Variants in ACYP2 observed in about 807,000 individuals in gnomAD.
ACYP2 encodes acylphosphatase 2.
ACYP2 carries 12 observed loss-of-function variants against 11.2 expected under a neutral mutation model. The ratio of observed to expected loss-of-function variants is 1.08; its 90% CI spans 0.69 to 1.74. The LOEUF (loss-of-function observed/expected upper bound fraction) is 1.74. Among genes scored for constraint, ACYP2 ranks in the 40% most tolerant of loss-of-function variants. The pLI, the probability that ACYP2 is intolerant of heterozygous loss-of-function variation, is 0.00. For synonymous variants in ACYP2, 43 were observed against 32.2 expected (o/e 1.33, Z -1.13); for missense variants, 134 against 101.9 (o/e 1.31, Z -1.35).
At chr2:54,197,119 G>C (rs1249279292) in intron 6 of ACYP2, among the ~76,000 whole-genome samples, 1 of 152,196 alleles carries the variant, frequency 6.6e-6, no homozygotes, top group East Asian at 1.9e-4. Context: ...CTCCCTGAGA[G>C]CAAGCCTGAG....
At chr2:54,248,164 C>G (rs1687047948) in intron 6 of ACYP2, among the ~76,000 whole-genome samples, 1 of 152,330 alleles carries the variant, frequency 6.6e-6, no homozygotes, top group East Asian at 1.9e-4. Context: ...AGAATTAGAA[C>G]TAATGTACTT....
chr2:54,285,790 C>T (rs1217089910), intron 6 of ACYP2, among the ~76,000 whole-genome samples: 3 of 152,182 alleles, frequency 2.0e-5, no homozygotes, highest in Non-Finnish European at 2.9e-5. Context: ...TAATCTTCCT[C>T]CTCTTTGCCT....
At chr2:54,038,672 A>AATATAT (rs1224517531) in intron 2 of ACYP2, among the ~76,000 whole-genome samples, 2 of 94,854 alleles carry the variant, frequency 2.1e-5, no homozygotes, top group African/African-American at 8.8e-5. Flanking sequence ...TTTATTGAAT[A>AATATAT]CTATATATAT....
chr2:54,224,659 T>C (rs1685933735), intron 6 of ACYP2, among the ~76,000 whole-genome samples: 1 of 152,218 alleles, frequency 6.6e-6, no homozygotes, highest in Admixed American at 6.5e-5. Context: ...AACTTGTAGC[T>C]TGGCTTTCAG....
intron 2 of ACYP2, among the ~76,000 whole-genome samples, chr2:54,049,260 CAAA>C (rs1375089357): frequency 6.8e-6 from 1 of 146,994 alleles, no homozygotes; most frequent in Admixed American, 6.6e-5. Flanking sequence ...GACCCCATCT[CAAA>C]AATAATAATA....
intron 6 of ACYP2, among the ~76,000 whole-genome samples, chr2:54,264,171 G>A (rs1172959884): frequency 6.6e-6 from 1 of 152,122 alleles, no homozygotes; most frequent in East Asian, 1.9e-4. Flanking sequence ...CGGTGGGTTC[G>A]TGGTCTCGCT....
intron 2 of ACYP2, among the ~76,000 whole-genome samples, chr2:54,006,004 G>C (rs1469527115): frequency 1.3e-5 from 2 of 152,124 alleles, no homozygotes; most frequent in Non-Finnish European, 2.9e-5. Context: ...GGCGTGGTGA[G>C]ACTTCATCTC....
chr2:54,078,453 C>T (rs892021983), intron 4 of ACYP2, among the ~76,000 whole-genome samples: 14 of 149,694 alleles, frequency 9.4e-5, no homozygotes, highest in Non-Finnish European at 1.9e-4. Flanking sequence ...CAGCTCCTGT[C>T]GCTATTATTA....
chr2:54,289,170 C>A (rs569635422), intron 6 of ACYP2, among the ~76,000 whole-genome samples: 4 of 152,030 alleles, frequency 2.6e-5, no homozygotes, highest in Admixed American at 2.6e-4. Context: ...AGTCAGACAA[C>A]CTCTTCCATG....
intron 2 of ACYP2, among the ~76,000 whole-genome samples, chr2:54,029,332 G>C (rs376954037): frequency 6.6e-6 from 1 of 151,920 alleles, no homozygotes; most frequent in East Asian, 1.9e-4. Flanking sequence ...CACTGTTGAT[G>C]TTTACCTTGA....
At chr2:54,063,188 G>C (rs1166005945) in intron 4 of ACYP2, among the ~76,000 whole-genome samples, 1 of 151,910 alleles carries the variant, frequency 6.6e-6, no homozygotes, top group Non-Finnish European at 1.5e-5. Context: ...GTCTCACTGT[G>C]TTGCCCAGGC....
rs1052446555 is a variant in ACYP2, at chr2:54,026,398, T to TA, written c.63-24550dup. Among the ~76,000 whole-genome samples the TA allele has an allele frequency of 1.7e-3, 248 of 146,620 alleles. 3 individuals are homozygous for TA. The highest frequency in any genetic ancestry group is 4.5e-3 in the African/African-American group (179 of 39,938). ...AGCAACAATAACCATAATTAAAAAATAAAAAAAAAATAGATGTTGGCATGA... is the reference window on the plus strand; with the variant it reads ...AGCAACAATAACCATAATTAAAAAATAAAAAAAAAAATAGATGTTGGCATGA... On this transcript the variant is annotated intron_variant, in intron 2 of 6. Coordinates refer to ENST00000607452, the MANE Select transcript of ACYP2 (RefSeq NM_001320586.2).
At chr2:53,988,168 C>T (rs1195100472) in intron 2 of ACYP2, among the ~76,000 whole-genome samples, 1 of 151,968 alleles carries the variant, frequency 6.6e-6, no homozygotes, top group Non-Finnish European at 1.5e-5. Flanking sequence ...AGTTCAAGAC[C>T]AGCCTGTGCA....
chr2:54,203,327 C>T (rs1274536346), intron 6 of ACYP2, among the ~76,000 whole-genome samples: 1 of 152,162 alleles, frequency 6.6e-6, no homozygotes, highest in East Asian at 1.9e-4. Context: ...ACCCTGCATA[C>T]TTGTTGAACC....
intron 2 of ACYP2, among the ~76,000 whole-genome samples, chr2:54,009,527 T>C (rs1244157176): frequency 6.6e-6 from 1 of 152,102 alleles, no homozygotes; most frequent in African/African-American, 2.4e-5. Context: ...TGAGCCAAGA[T>C]TGCATCACTG....
At chr2:54,145,586 A>T (rs969765451) in intron 6 of ACYP2, among the ~76,000 whole-genome samples, 8 of 152,156 alleles carry the variant, frequency 5.3e-5, no homozygotes, top group African/African-American at 1.7e-4. Context: ...ATGCTTTCAG[A>T]CATTCTTGTT....
At chr2:54,234,184 T>C (rs1306285152) in intron 6 of ACYP2, among the ~76,000 whole-genome samples, 1 of 152,196 alleles carries the variant, frequency 6.6e-6, no homozygotes, top group Non-Finnish European at 1.5e-5. Flanking sequence ...CTGTTGAAGC[T>C]TTCCTGGGCA....
chr2:54,151,176 A>G (rs1305492467), intron 6 of ACYP2, among the ~76,000 whole-genome samples: 1 of 152,230 alleles, frequency 6.6e-6, no homozygotes, highest in Admixed American at 6.5e-5. Context: ...AATACTTGAC[A>G]TTTGTGTGAA....
chr2:54,057,949 GA>G (rs1676245011), intron 4 of ACYP2, among the ~76,000 whole-genome samples: 1 of 152,110 alleles, frequency 6.6e-6, no homozygotes, highest in African/African-American at 2.4e-5. Flanking sequence ...TGAACATTTG[GA>G]AAACAAATAT....
Sources: allele counts gnomAD v4.1 joint callset (sites outside exome capture counted in the v4.1 genomes callset), GRCh38; gene constraint gnomAD v4.1.1; transcripts MANE v1.5; gene names NCBI Gene and HGNC (gene_info 2026-07-23, HGNC 2026-07-21).